PAIP2: variants seen among roughly 807,000 people sequenced by gnomAD.
PAIP2 encodes poly(A) binding protein interacting protein 2.
A neutral mutation model predicts 14.8 loss-of-function variants in PAIP2; 7 were observed. That is an observed-to-expected ratio of 0.47 (90% CI 0.27 to 0.89). PAIP2 has a LOEUF of 0.89. Among genes scored for constraint, PAIP2 ranks in the 40% least tolerant of loss-of-function variants. PAIP2 has a pLI of 0.13. For missense variants in PAIP2, 122 were observed against 154.7 expected, an observed-to-expected ratio of 0.79 and a Z score of 1.12; for synonymous variants, 47 against 45.3, an observed-to-expected ratio of 1.04 and a Z score of -0.15.
intron 2 of PAIP2, 52 bp downstream of exon 2, chr5:139,363,974 GA>G (rs755683579): frequency 6.8e-7 from 1 of 1,478,958 alleles, no homozygotes; most frequent in East Asian, 2.3e-5. Flanking sequence ...CCCTCAATAT[GA>G]TTGTACTTGT....
chr5:139,357,205 T>TG (rs919743255), intron 1 of PAIP2, among the ~76,000 whole-genome samples: 6 of 152,242 alleles, frequency 3.9e-5, no homozygotes, highest in African/African-American at 1.4e-4. Context: ...CTTCACTTCC[T>TG]GCATGGGCAG....
chr5:139,348,913 T>C (rs1045644137), intron 1 of PAIP2, among the ~76,000 whole-genome samples: 1 of 151,650 alleles, frequency 6.6e-6, no homozygotes, highest in African/African-American at 2.4e-5. Flanking sequence ...TGACCTCAGG[T>C]GATCTGCCTG....
At chr5:139,350,506 C>T (rs1270594183) in intron 1 of PAIP2, among the ~76,000 whole-genome samples, 1 of 151,862 alleles carries the variant, frequency 6.6e-6, no homozygotes, top group African/African-American at 2.4e-5. Flanking sequence ...TGGCATGCGC[C>T]TGTAGTCCCA....
At chr5:139,361,130 G>A (rs551744518) in intron 1 of PAIP2, among the ~76,000 whole-genome samples, 6 of 151,820 alleles carry the variant, frequency 4.0e-5, no homozygotes, top group Non-Finnish European at 8.8e-5. Context: ...GAAGTTCCCA[G>A]AAATTTTTAG....
chr5:139,347,930 G>A (rs566124185), intron 1 of PAIP2, among the ~76,000 whole-genome samples: 8 of 152,176 alleles, frequency 5.3e-5, no homozygotes, highest in African/African-American at 1.9e-4. Context: ...CCAGCACTTC[G>A]GGAGGCCGAG....
chr5:139,363,669 C>T, intron 1 of PAIP2, 90 bp from the exon 2 acceptor site: 3 of 1,188,088 alleles, frequency 2.5e-6, no homozygotes, highest in Non-Finnish European at 3.5e-6. Flanking sequence ...CACCATTGCA[C>T]TCCAGCCTGG....
Position 139,363,855 on chromosome 5 carries a change from C to A in PAIP2, c.71C>A (p.Ser24Tyr). 1 of 1,613,110 alleles carries A rather than the reference C, an allele frequency of 6.2e-7. No individual in the cohort carries two copies. The highest frequency in any genetic ancestry group is 8.5e-7 in the Non-Finnish European group (1 of 1,179,028). The change falls in exon 2 of 4, where the codon TCT becomes TAT. Residue 24 changes from serine (S) to tyrosine (Y), a missense_variant. Ser to Tyr is a moderately radical substitution (Grantham distance 144). Around this residue, in one of 3 missense-constraint regions of PAIP2, gnomAD observed 42 missense variants for 36.7 expected, o/e 1.15. Transcript: ENST00000265192. ...GAAGATGTGATTATTAACGGTCATT[C>A]TCATGAAGATGACAATCCATTTGCA... ...INEDVIINGH[S>Y]HEDDNPFAEY...
chr5:139,365,898 T>C (rs1382258498), intron 3 of PAIP2, among the ~76,000 whole-genome samples: 1 of 152,042 alleles, frequency 6.6e-6, no homozygotes, highest in Non-Finnish European at 1.5e-5. Flanking sequence ...GATGGAGAAG[T>C]TTTGCTCTTT....
intron 1 of PAIP2, chr5:139,343,359 C>T (rs1199177851): frequency 2.0e-5 from 3 of 152,178 alleles, no homozygotes; most frequent in Admixed American, 6.5e-5. Context: ...GAGATTTCCT[C>T]TAATGATTCA....
intron 1 of PAIP2, chr5:139,342,926 G>T (rs1289451651): frequency 6.6e-6 from 1 of 152,180 alleles, no homozygotes; most frequent in African/African-American, 2.4e-5. Context: ...CTTGGAAGGT[G>T]TAGCAGCTGA....
At chr5:139,365,317 C>T (rs903292796) in intron 3 of PAIP2, among the ~76,000 whole-genome samples, 2 of 151,938 alleles carry the variant, frequency 1.3e-5, no homozygotes, top group Non-Finnish European at 2.9e-5. Flanking sequence ...GAAACCCCAT[C>T]TGTACTAAAA....
At chr5:139,352,800 G>A (rs1005589544) in intron 1 of PAIP2, among the ~76,000 whole-genome samples, 9 of 151,710 alleles carry the variant, frequency 5.9e-5, no homozygotes, top group Non-Finnish European at 1.2e-4. Flanking sequence ...GGGTCAGAAT[G>A]AGGCATGAGC....
intron 1 of PAIP2, among the ~76,000 whole-genome samples, chr5:139,349,053 C>T (rs565467888): frequency 2.7e-4 from 41 of 152,252 alleles, no homozygotes; most frequent in African/African-American, 9.6e-4. Context: ...TATTTTAAAA[C>T]ATAGTAAGAG....
At chr5:139,361,683 G>A (rs1366501751) in intron 1 of PAIP2, among the ~76,000 whole-genome samples, 1 of 152,110 alleles carries the variant, frequency 6.6e-6, no homozygotes, top group African/African-American at 2.4e-5. Flanking sequence ...GATGGCTCAT[G>A]CATGTAATCC....
At chr5:139,353,506 T>G (rs1251672965) in intron 1 of PAIP2, among the ~76,000 whole-genome samples, 1 of 152,182 alleles carries the variant, frequency 6.6e-6, no homozygotes, top group Non-Finnish European at 1.5e-5. Flanking sequence ...AATTAACATC[T>G]TAGTTTGTAA....
Position 139,363,722 on chromosome 5 carries a change from T to C in PAIP2, c.-26-37T>C. 2.5e-6 allele frequency: 4 copies of C among 1,576,156 alleles called. No homozygotes were observed. The South Asian group carries it at 3.5e-5, about 14-fold the overall frequency. On this transcript the variant is annotated intron_variant, in intron 1 of 3. Transcript: ENST00000265192. The stretch of plus-strand genomic sequence containing the variant: ...TGTCTCAGAAAGAAAAAACCCTGAA[T>C]GAGTAAGTAAATTAACTGTGCTGTT...
At chr5:139,362,120 A>G (rs1225973588) in intron 1 of PAIP2, among the ~76,000 whole-genome samples, 1 of 152,084 alleles carries the variant, frequency 6.6e-6, no homozygotes, top group East Asian at 1.9e-4. Flanking sequence ...TTCACTTTCA[A>G]TCCCTGGACT....
At chr5:139,364,475 C>A (rs114231815) in intron 2 of PAIP2, 89 bp from the exon 3 acceptor site, 3 of 712,096 alleles carry the variant, frequency 4.2e-6, no homozygotes, top group Non-Finnish European at 6.8e-6. Flanking sequence ...TGACTTTGTG[C>A]CTTTAAATGG....
chr5:139,354,535 A>C (rs1480954085), intron 1 of PAIP2, among the ~76,000 whole-genome samples: 1 of 152,174 alleles, frequency 6.6e-6, no homozygotes, highest in Non-Finnish European at 1.5e-5. Flanking sequence ...CTTCTTAGAT[A>C]CATAGATTTG....
Sources: allele counts gnomAD v4.1 joint callset (sites outside exome capture counted in the v4.1 genomes callset), GRCh38; gene constraint gnomAD v4.1.1; regional missense constraint gnomAD v4.1.1; transcripts MANE v1.5; gene names NCBI Gene and HGNC (gene_info 2026-07-23, HGNC 2026-07-21).